The following PCNT variants were observed in gnomAD, a reference collection of about 807,000 sequenced individuals.
PCNT encodes pericentrin.
PCNT carries 319 observed loss-of-function variants against 380.4 expected under a neutral mutation model. The ratio of observed to expected loss-of-function variants is 0.84; its 90% confidence interval spans 0.77 to 0.92. The LOEUF is 0.92. Among genes scored for constraint, PCNT ranks in the 40% least tolerant of loss-of-function variants. The pLI, the probability that PCNT is intolerant of heterozygous loss-of-function variation, is 0.00. For synonymous variants in PCNT, 1,845 were observed against 1,735.2 expected (o/e 1.06, Z -1.57); for missense variants, 4,400 against 4,255.3 (o/e 1.03, Z -0.95).
chr21:46,410,279 C>T (rs551805625), intron 27 of PCNT, among the ~76,000 whole-genome samples: 21 of 152,298 alleles, frequency 1.4e-4, no homozygotes, highest in African/African-American at 5.1e-4. Context: ...GCCACAGGTT[C>T]ATCCGGTTCC....
chr21:46,404,403 C>T (rs562243892), intron 27 of PCNT, among the ~76,000 whole-genome samples: 1 of 152,244 alleles, frequency 6.6e-6, no homozygotes, highest in Non-Finnish European at 1.5e-5. Context: ...ACCATTTCCA[C>T]CGGCATTTCT....
chr21:46,432,274 G>C, intron 38 of PCNT, 59 bp downstream of exon 38: 1 of 1,514,108 alleles, frequency 6.6e-7, no homozygotes, highest in Non-Finnish European at 9.0e-7. Flanking sequence ...ATTGGAGTTA[G>C]GATGGTTCAC....
At position 46,367,030 on chromosome 21, in the gene PCNT, T is replaced by C. The variant is rs1298195192; in HGVS notation, c.3056T>C (p.Leu1019Pro). Residue 1019 changes from leucine to proline, a missense_variant, in exon 15 of 47, where the codon CTG becomes CCG. Coordinates refer to ENST00000359568, the MANE Select transcript of PCNT (RefSeq NM_006031.6). The stretch of plus-strand genomic sequence containing the variant: ...ATTTTGACTCAAGAGTTGGAGAAAC[T>C]GAAGCGGAAACACGAAGGGGAGCTA... ...QTILTQELEK[L>P]KRKHEGELQS... The C allele has an allele frequency of 1.9e-6, 3 of 1,614,106 alleles. No individual in the cohort carries two copies. The highest frequency in any genetic ancestry group is 1.7e-6 in the Non-Finnish European group (2 of 1,180,010).
chr21:46,366,781 G>C lies in PCNT; in HGVS notation c.2807G>C (p.Ser936Thr). Reference protein sequence around the residue: ...ALGELTASLESKQGALLAARV... With the variant: ...ALGELTASLETKQGALLAARV... ...GGCGAGCTGACAGCCTCCTTAGAGA[G>C]CAAGCAGGGGGCTCTGCTGGCTGCA... Residue 936 changes from serine (S) to threonine (T), a missense_variant, in exon 15 of 47, where the codon AGC becomes ACC. By Grantham distance (58) the Ser-to-Thr change is moderately conservative. Coordinates refer to ENST00000359568, the MANE Select transcript of PCNT (RefSeq NM_006031.6). The C allele has an allele frequency of 6.2e-7, 1 of 1,613,728 alleles. No individual in the cohort carries two copies. Among genetic ancestry groups the C allele is most frequent in the East Asian group, 2.2e-5 (1 of 44,876 alleles).
In PCNT at chr21:46,359,480, G is replaced by GTTTTTTTT. The variant is rs1478908165; in HGVS notation, c.2154+2292_2154+2299dup. On this transcript the variant is annotated intron_variant, in intron 13 of 46. Transcript: ENST00000359568. ...TAGTATTCTGTCCAAAAATACACCT[G>GTTTTTTTT]TTTTTTTTTTGTTTTTTTTTTTTTT... is the stretch of plus-strand genomic sequence containing the variant. Among the ~76,000 whole-genome samples the GTTTTTTTT allele has an allele frequency of 1.6e-3, 104 of 65,700 alleles. 25 individuals are homozygous for GTTTTTTTT. The highest frequency in any genetic ancestry group is 4.6e-3 in the East Asian group (10 of 2,168). The allele number at this position is 65,700 out of a possible 152,430, so 43.1% of individuals were successfully genotyped here.
chr21:46,351,261 C>G (rs10154115), intron 8 of PCNT, among the ~76,000 whole-genome samples, 168 bp from the exon 9 acceptor site: 2 of 152,168 alleles, frequency 1.3e-5, no homozygotes, highest in African/African-American at 2.4e-5. Flanking sequence ...TTGTCACGGA[C>G]AGAGCTCTCT....
At chr21:46,407,556 G>A (rs57261762) in intron 27 of PCNT, among the ~76,000 whole-genome samples, 27,032 of 151,890 alleles carry the variant, frequency 0.18, 4,473 homozygotes, top group African/African-American at 0.44. Context: ...TGTTAGCCAG[G>A]ATGGTCTCGA....
At chr21:46,343,391 C>A (rs563542592) in intron 3 of PCNT, among the ~76,000 whole-genome samples, 2 of 152,262 alleles carry the variant, frequency 1.3e-5, no homozygotes, top group Admixed American at 1.3e-4. Context: ...TTGAGATGAT[C>A]ATATGATTTT....
chr21:46,426,860 T>C (rs1281442115), intron 33 of PCNT, among the ~76,000 whole-genome samples: 1 of 152,166 alleles, frequency 6.6e-6, no homozygotes, highest in Non-Finnish European at 1.5e-5. Context: ...TGCCTCTGAC[T>C]GGGATCAAAG....
At chr21:46,393,468 G>A (rs1024980711) in intron 21 of PCNT, among the ~76,000 whole-genome samples, 2 of 151,986 alleles carry the variant, frequency 1.3e-5, no homozygotes, top group African/African-American at 2.4e-5. Context: ...CCTCATGGTC[G>A]GGCCCCTCCC....
intron 2 of PCNT, among the ~76,000 whole-genome samples, chr21:46,333,293 A>G (rs1182017115): frequency 3.3e-5 from 5 of 151,476 alleles, no homozygotes; most frequent in East Asian, 2.0e-4. Context: ...TTAGCTGGGC[A>G]TGGTGGCACG....
chr21:46,399,521 T>C (rs2086350531), intron 24 of PCNT, 69 bp from the exon 25 acceptor site: 1 of 1,256,812 alleles, frequency 8.0e-7, no homozygotes, highest in African/African-American at 1.5e-5. Flanking sequence ...TTTGGGTACT[T>C]TTTTGTTTGG....
At position 46,430,023 on chromosome 21, in the gene PCNT, T is replaced by G. The variant is rs769994670; in HGVS notation, c.7704T>G (p.Ala2568=). The G allele has an allele frequency of 1.9e-6, 3 of 1,614,142 alleles. No individual in the cohort carries two copies. In the South Asian group the frequency reaches 3.3e-5, roughly 18 times the overall value. ...TGTCTTTCTCAGTTGAACTGCTGGC[T>G]TATAAAGTAGAGCAGGAGAAGTGCA... ...HQLRRQVELL[A]YKVEQEKCIA... The change falls in exon 36 of 47, where the codon GCT becomes GCG. Residue 2568 remains alanine, a synonymous_variant. Transcript: ENST00000359568.
chr21:46,388,828 G>A lies in PCNT; in HGVS notation c.3551G>A (p.Gly1184Glu), dbSNP rs778328851. 1.7e-5 allele frequency: 27 copies of A among 1,612,246 alleles called. No homozygotes were observed. The South Asian group carries it at 2.9e-4, about 17-fold the overall frequency. ...GCCGTCACCCTGAGGAGCCGGATCG[G>A]GGAGCGCGTGGGGCTCTGCCTGGAT... is the stretch of plus-strand genomic sequence containing the variant. ...RAAVTLRSRIGERVGLCLDDA... is the reference protein window; with the variant it reads ...RAAVTLRSRIEERVGLCLDDA... The change falls in exon 18 of 47, where the codon GGG becomes GAG. Residue 1184 changes from glycine to glutamate, a missense_variant. Coordinates refer to ENST00000359568, the MANE Select transcript of PCNT (RefSeq NM_006031.6). This position sits in a 1 kb window ranked among gnomAD's most constrained non-coding sequence, Gnocchi z 4.2.
intron 28 of PCNT, 55 bp from the exon 29 acceptor site, chr21:46,412,782 C>A: frequency 6.3e-7 from 1 of 1,590,692 alleles, no homozygotes; most frequent in South Asian, 1.1e-5. Context: ...ACCTGAGGGG[C>A]AGCCCCAGCA....
chr21:46,418,373 G>A lies in PCNT; in HGVS notation c.7024+67G>A. The A allele has an allele frequency of 3.1e-6, 3 of 966,416 alleles. No individual in the cohort carries two copies. In the South Asian group the frequency reaches 4.1e-5, roughly 13 times the overall value. The allele number at this position is 966,416 out of a possible 1,614,324, so 59.9% of individuals were successfully genotyped here. A position where few individuals can be genotyped will look rare whatever the true frequency, so the allele number is the denominator to read the frequency against. On this transcript the variant is annotated intron_variant, in intron 31 of 46. Coordinates refer to ENST00000359568, the MANE Select transcript of PCNT (RefSeq NM_006031.6). ...GTTTCCTAGCACAGAATAGTCAAAA[G>A]AATTCCTGCATCCTTTGCCTGGTTC...
rs755826746 is a variant in PCNT, at chr21:46,366,667, C to T, written c.2693C>T (p.Ala898Val). Reference protein sequence around the residue: ...AFLQEAQEQHARELQLLQERH... With the variant: ...AFLQEAQEQHVRELQLLQERH... The stretch of plus-strand genomic sequence containing the variant: ...CTGCAGGAGGCCCAGGAGCAGCATG[C>T]CCGTGAGCTGCAGCTCCTCCAGGAG... The change falls in exon 15 of 47, where the codon GCC (alanine) becomes GTC (valine). Residue 898 changes from alanine to valine, a missense_variant. Ala to Val is a moderately conservative substitution (Grantham distance 64). Coordinates refer to ENST00000359568, the MANE Select transcript of PCNT (RefSeq NM_006031.6). 3.1e-6 allele frequency: 5 copies of T among 1,613,856 alleles called. No individual in the cohort carries two copies. In the South Asian group the frequency reaches 5.5e-5, roughly 18 times the overall value.
intron 3 of PCNT, among the ~76,000 whole-genome samples, chr21:46,341,877 T>G (rs1569171400): frequency 1.3e-5 from 2 of 151,798 alleles, no homozygotes. Context: ...TGGAGTCTTG[T>G]TACATTCACT....
chr21:46,395,804 C>T (rs1468587092), intron 21 of PCNT, among the ~76,000 whole-genome samples: 1 of 151,664 alleles, frequency 6.6e-6, no homozygotes, highest in Non-Finnish European at 1.5e-5. Flanking sequence ...GCAGAGACTC[C>T]ATCTCAGAAA....
Sources: gnomAD v4.1 joint callset for allele counts (sites outside exome capture counted in the v4.1 genomes callset) on GRCh38, gnomAD v4.1.1 for gene constraint, Gnocchi (gnomAD v3.1) non-coding constraint, MANE v1.5 for transcripts, NCBI Gene and HGNC (gene_info 2026-07-23, HGNC 2026-07-21) for gene names.